RBFOX3: variants seen among roughly 807,000 people sequenced by gnomAD.
The protein encoded by RBFOX3 is RNA binding fox-1 homolog 3, also known as RNA binding protein fox-1 homolog 3.
In RBFOX3, 17 loss-of-function variants were observed where a neutral mutation model predicts 48.7. That is an observed-to-expected ratio of 0.35 (90% CI 0.24 to 0.52). The LOEUF (loss-of-function observed/expected upper bound fraction) is 0.52. RBFOX3 is among the 20% of genes least tolerant of loss of function. The pLI is 0.94. For missense variants in RBFOX3, 382 were observed against 497.5 expected, an observed-to-expected ratio of 0.77 and a Z score of 2.21; for synonymous variants, 212 against 209.5, an observed-to-expected ratio of 1.01 and a Z score of -0.10.
chr17:79,501,543 C>T (rs939543733), intron 1 of RBFOX3, among the ~76,000 whole-genome samples: 75 of 152,338 alleles, frequency 4.9e-4, no homozygotes, highest in Middle Eastern at 3.4e-3. Context: ...CAGGTTTGAA[C>T]CTGCAAGAGC....
rs1316718564 is a variant in RBFOX3, at chr17:79,477,339, G to A, written c.-175+5115C>T. ...TGGGAGGCCAAGGCAGGTGGATCAC[G>A]AGGTCAGGAGATCGAGATCATCCTG... On this transcript the variant is annotated intron_variant, in intron 2 of 14. Coordinates refer to ENST00000693108, the MANE Select transcript of RBFOX3 (RefSeq NM_001350451.2). The surrounding 1 kb of genome is among the most constrained non-coding windows in gnomAD (Gnocchi z 4.8). Among the ~76,000 whole-genome samples, 25 of 150,210 alleles carry A rather than the reference G, an allele frequency of 1.7e-4. No homozygotes were observed. Among genetic ancestry groups the A allele is most frequent in the Admixed American group, 7.3e-4 (11 of 15,106 alleles).
At chr17:79,651,987 T>C in the RBFOX3 span, among the ~76,000 whole-genome samples, 1 of 150,694 alleles carries the variant, frequency 6.6e-6, no homozygotes, top group Non-Finnish European at 1.5e-5. Context: ...GAGCAGATCC[T>C]TCATCCCCAG....
chr17:79,661,109 A>C, the RBFOX3 span, among the ~76,000 whole-genome samples: 1 of 152,084 alleles, frequency 6.6e-6, no homozygotes, highest in East Asian at 1.9e-4. Flanking sequence ...GGGGAATAAC[A>C]CACACTGAGG....
At chr17:79,444,049 C>T (rs951911335) in intron 2 of RBFOX3, among the ~76,000 whole-genome samples, 1 of 152,172 alleles carries the variant, frequency 6.6e-6, no homozygotes, top group Non-Finnish European at 1.5e-5. Context: ...GCAGGCCCTG[C>T]TCACAAATGC....
intron 4 of RBFOX3, among the ~76,000 whole-genome samples, chr17:79,144,946 G>A (rs1030497138): frequency 3.3e-5 from 5 of 152,196 alleles, no homozygotes; most frequent in South Asian, 2.1e-4. Context: ...CAAAGGAGAC[G>A]AGCGCACCTG....
intron 2 of RBFOX3, among the ~76,000 whole-genome samples, chr17:79,466,425 G>A (rs967136420): frequency 6.6e-6 from 1 of 152,206 alleles, no homozygotes; most frequent in Non-Finnish European, 1.5e-5. Context: ...CCCTTGGGGA[G>A]TCGAGGGCAG....
At chr17:79,512,022 T>C (rs1439856049) in intron 1 of RBFOX3, among the ~76,000 whole-genome samples, 333 of 72,448 alleles carry the variant, frequency 4.6e-3, no homozygotes, top group Admixed American at 5.9e-3. Context: ...GACGCACACC[T>C]GGATACATGT....
chr17:79,587,126 G>T (rs2093274311), intron 1 of RBFOX3, among the ~76,000 whole-genome samples: 1 of 152,182 alleles, frequency 6.6e-6, no homozygotes, highest in East Asian at 1.9e-4. Context: ...AAGGCAGAAA[G>T]GTGAACCATT....
At chr17:79,464,491 C>A (rs528778055) in intron 2 of RBFOX3, among the ~76,000 whole-genome samples, 1 of 152,322 alleles carries the variant, frequency 6.6e-6, no homozygotes, top group East Asian at 1.9e-4. Flanking sequence ...TCTGTCGGGG[C>A]GGCCCGAGGA....
chr17:79,369,739 C>T (rs538446734), intron 2 of RBFOX3, among the ~76,000 whole-genome samples: 2 of 152,170 alleles, frequency 1.3e-5, no homozygotes, highest in Admixed American at 6.5e-5. Flanking sequence ...TCCTGCAGCT[C>T]CTGGTGCCAC....
chr17:79,178,917 C>G (rs2146000510), intron 4 of RBFOX3, among the ~76,000 whole-genome samples: 1 of 152,326 alleles, frequency 6.6e-6, no homozygotes, highest in East Asian at 1.9e-4. Context: ...ACCTGGGCAG[C>G]AATGGATGCT....
In RBFOX3 at chr17:79,442,390, AG is replaced by A. The variant is rs1555735638; in HGVS notation, c.-175+40063del. Among the ~76,000 whole-genome samples, 16 of 140,330 alleles carry A rather than the reference AG, an allele frequency of 1.1e-4. 1 individual carries two copies. The highest frequency in any genetic ancestry group is 4.1e-4 in the African/African-American group (15 of 36,680). 92.1% of individuals were successfully genotyped at this position (140,330 alleles called of 152,430 possible). A position where few individuals can be genotyped will look rare whatever the true frequency, so the allele number is the denominator to read the frequency against. On this transcript the variant is annotated intron_variant, in intron 2 of 14. Coordinates refer to ENST00000693108, the MANE Select transcript of RBFOX3 (RefSeq NM_001350451.2). ...GAGAGAGAGAGAGAGAGAGAGAGAG[AG>A]AGAGAGAGAGAAAGAGAGACAGAGA...
Position 79,198,622 on chromosome 17 carries a change from C to G in RBFOX3, c.-34+37144G>C, listed in dbSNP as rs1301108322. On this transcript the variant is annotated intron_variant, in intron 4 of 14. Coordinates refer to ENST00000693108, the MANE Select transcript of RBFOX3 (RefSeq NM_001350451.2). This position sits in a 1 kb window ranked among gnomAD's most constrained non-coding sequence, Gnocchi z 8.2. The stretch of plus-strand genomic sequence containing the variant: ...AGAAGCCTCCCTGCTTTTGAACTTT[C>G]TCTCTCTCTTTTTTTTTTTTTAAGA... Among the ~76,000 whole-genome samples the G allele has an allele frequency of 1.2e-5, 1 of 84,460 alleles. No individual in the cohort carries two copies. The highest frequency in any genetic ancestry group is 4.5e-5 in the African/African-American group (1 of 22,308). 55.4% of individuals were successfully genotyped at this position (84,460 alleles called of 152,430 possible).
chr17:79,604,386 G>GCT (rs2093780156), intron 1 of RBFOX3, among the ~76,000 whole-genome samples: 1 of 151,290 alleles, frequency 6.6e-6, no homozygotes. Flanking sequence ...GGTGTGTGCG[G>GCT]CTCTCCCAGG....
intron 4 of RBFOX3, among the ~76,000 whole-genome samples, chr17:79,178,834 T>C (rs1321357303): frequency 6.6e-6 from 1 of 152,204 alleles, no homozygotes; most frequent in Non-Finnish European, 1.5e-5. Flanking sequence ...TCACCCGACC[T>C]CAACTACTTG....
At chr17:79,634,585 C>T in the RBFOX3 span, among the ~76,000 whole-genome samples, 12 of 152,088 alleles carry the variant, frequency 7.9e-5, no homozygotes, top group Non-Finnish European at 1.3e-4. Flanking sequence ...GTCTAAAGAC[C>T]GTGGGTAACA....
intron 2 of RBFOX3, among the ~76,000 whole-genome samples, chr17:79,335,429 T>C (rs2081042948): frequency 6.6e-6 from 1 of 152,216 alleles, no homozygotes; most frequent in South Asian, 2.1e-4. Context: ...TGCTATTATT[T>C]ACTTTAACAC....
chr17:79,587,646 C>G (rs9748159), intron 1 of RBFOX3, among the ~76,000 whole-genome samples: 4,889 of 152,238 alleles, frequency 0.032, 171 homozygotes, highest in East Asian at 0.12. Context: ...CACGGAGCAG[C>G]AGGCTGGCCA....
chr17:79,470,934 T>C (rs1264894559), intron 2 of RBFOX3, among the ~76,000 whole-genome samples: 1 of 152,084 alleles, frequency 6.6e-6, no homozygotes, highest in East Asian at 1.9e-4. Context: ...CTCTCTGTCA[T>C]CCAAGACAGG....
Sources: gnomAD v4.1 joint callset for allele counts (sites outside exome capture counted in the v4.1 genomes callset) on GRCh38, gnomAD v4.1.1 for gene constraint, Gnocchi (gnomAD v3.1) non-coding constraint, MANE v1.5 for transcripts, NCBI Gene and HGNC (gene_info 2026-07-23, HGNC 2026-07-21) for gene names.